The following CNGA3 variants were observed in gnomAD, a reference collection of about 807,000 sequenced individuals.
CNGA3 encodes the protein cyclic nucleotide gated channel subunit alpha 3, also known as cyclic nucleotide-gated channel alpha-3.
CNGA3 carries 42 observed loss-of-function variants against 46.6 expected under a neutral mutation model. That is an observed-to-expected ratio of 0.90 (90% CI 0.70 to 1.17). The LOEUF is 1.17. CNGA3 is among the 50% of genes most tolerant of loss of function. The pLI, the probability that CNGA3 is intolerant of heterozygous loss-of-function variation, is 0.00. For synonymous variants in CNGA3, 394 were observed against 369.4 expected, an observed-to-expected ratio of 1.07 and a Z score of -0.76; for missense variants, 893 against 890.7, an observed-to-expected ratio of 1.00 and a Z score of -0.03.
chr2:98,376,468 G>T (rs1238101573), intron 2 of CNGA3, among the ~76,000 whole-genome samples: 1 of 152,156 alleles, frequency 6.6e-6, no homozygotes, highest in Non-Finnish European at 1.5e-5. Flanking sequence ...TCAATGTGGG[G>T]AGGCTGAGAG....
Position 98,389,717 on chromosome 2 carries a change from G to A in CNGA3, c.509G>A (p.Arg170His), listed in dbSNP as rs775155230. ...VVDPSSNLYY[R>H]WLTAIALPVF... Reference sequence around the variant, plus strand: ...GACCCGTCCAGCAACCTGTACTACCGCTGGCTGACCGCCATCGCCCTGCCT... The same window carrying A: ...GACCCGTCCAGCAACCTGTACTACCACTGGCTGACCGCCATCGCCCTGCCT... The change falls in exon 6 of 8, where the codon CGC becomes CAC. Residue 170 changes from arginine (R) to histidine (H), a missense_variant. Coordinates refer to ENST00000272602, the MANE Select transcript of CNGA3 (RefSeq NM_001298.3). 2.0e-5 allele frequency: 33 copies of A among 1,613,616 alleles called. No homozygotes were observed. In the Admixed American group the frequency reaches 2.7e-4, roughly 13 times the overall value.
chr2:98,360,304 G>A (rs537430899), intron 1 of CNGA3, among the ~76,000 whole-genome samples: 106 of 152,348 alleles, frequency 7.0e-4, no homozygotes, highest in Admixed American at 1.6e-3. Context: ...GGAGGACAGA[G>A]GTACTGCCTC....
intron 4 of CNGA3, among the ~76,000 whole-genome samples, chr2:98,382,020 ACT>A (rs1309212275): frequency 1.3e-5 from 2 of 152,002 alleles, no homozygotes; most frequent in African/African-American, 2.4e-5. Flanking sequence ...TGAATGTTAG[ACT>A]CTCTGTCCAT....
chr2:98,359,970 A>G (rs1246658526), intron 1 of CNGA3, among the ~76,000 whole-genome samples: 1 of 152,146 alleles, frequency 6.6e-6, no homozygotes, highest in African/African-American at 2.4e-5. Context: ...CCTTGATTCT[A>G]TGGGCTTCTC....
At chr2:98,369,053 C>T (rs1238896623) in intron 1 of CNGA3, among the ~76,000 whole-genome samples, 1 of 152,168 alleles carries the variant, frequency 6.6e-6, no homozygotes, top group Non-Finnish European at 1.5e-5. Flanking sequence ...GAATTCCAGC[C>T]CCTCTCATTC....
rs1692800163 is a variant in CNGA3, at chr2:98,391,936, G to A, written c.639G>A (p.Leu213=). 4 of 1,614,110 alleles carry A rather than the reference G, an allele frequency of 2.5e-6. No homozygotes were observed. Among genetic ancestry groups the A allele is most frequent in the East Asian group, 2.2e-5 (1 of 44,874 alleles). Residue 213 remains leucine, a synonymous_variant, in exon 7 of 8, where the codon CTG becomes CTA. Coordinates refer to ENST00000272602, the MANE Select transcript of CNGA3 (RefSeq NM_001298.3). ...TCCTGGACTACTCGGCAGATGTCCTGTATGTCTTGGATGTGCTTGTACGAG... is the reference window on the plus strand; with the variant it reads ...TCCTGGACTACTCGGCAGATGTCCTATATGTCTTGGATGTGCTTGTACGAG... ...WLVLDYSADV[L]YVLDVLVRAR...
intron 1 of CNGA3, among the ~76,000 whole-genome samples, chr2:98,355,616 T>C (rs1691863277): frequency 6.6e-6 from 1 of 152,258 alleles, no homozygotes; most frequent in African/African-American, 2.4e-5. Context: ...ACATGTCTTC[T>C]GTACCAAACT....
In CNGA3 at chr2:98,396,853, G is replaced by A. The variant is rs771259045; in HGVS notation, c.1683G>A (p.Gly561=). 25 of 1,614,164 alleles carry A rather than the reference G, an allele frequency of 1.5e-5. No homozygotes were observed. The highest frequency in any genetic ancestry group is 2.0e-5 in the Non-Finnish European group (24 of 1,180,046). ...SILNIKGSKS[G]NRRTANIRSI... is the part of the protein sequence containing the mutation. ...TGAACATCAAGGGGAGCAAGTCGGGGAACCGCAGGACGGCCAACATCCGCA... is the reference window on the plus strand; with the variant it reads ...TGAACATCAAGGGGAGCAAGTCGGGAAACCGCAGGACGGCCAACATCCGCA... The change falls in exon 8 of 8, where the codon GGG becomes GGA. Residue 561 remains glycine, a synonymous_variant. Coordinates refer to ENST00000272602, the MANE Select transcript of CNGA3 (RefSeq NM_001298.3).
At chr2:98,390,176 C>A (rs1692752672) in intron 6 of CNGA3, among the ~76,000 whole-genome samples, 1 of 151,566 alleles carries the variant, frequency 6.6e-6, no homozygotes, top group Admixed American at 6.6e-5. Context: ...CACTCTGTCA[C>A]CCAGGCTGGA....
At chr2:98,361,406 A>G (rs1319623923) in intron 1 of CNGA3, among the ~76,000 whole-genome samples, 3 of 152,110 alleles carry the variant, frequency 2.0e-5, no homozygotes, top group Admixed American at 6.5e-5. Flanking sequence ...TATATGTACC[A>G]CATTTTCTTT....
intron 1 of CNGA3, chr2:98,351,268 T>C (rs1448348592): frequency 1.3e-5 from 2 of 152,242 alleles, no homozygotes; most frequent in Non-Finnish European, 1.5e-5. Flanking sequence ...GGGGATGATA[T>C]GGTTTCGCTC....
At chr2:98,358,029 A>G (rs1691926175) in intron 1 of CNGA3, among the ~76,000 whole-genome samples, 2 of 152,234 alleles carry the variant, frequency 1.3e-5, no homozygotes, top group Admixed American at 6.5e-5. Flanking sequence ...CGTGATGGAT[A>G]TGGAAGTGCC....
chr2:98,353,274 C>A (rs1468646520), intron 1 of CNGA3, among the ~76,000 whole-genome samples: 1 of 151,842 alleles, frequency 6.6e-6, no homozygotes, highest in East Asian at 1.9e-4. Context: ...AGAACCCTAA[C>A]ACACTCACTA....
rs201782746 is a variant in CNGA3, at chr2:98,396,876, G to T, written c.1706G>T (p.Arg569Leu). The change falls in exon 8 of 8, where the codon CGC becomes CTC. Residue 569 changes from arginine to leucine, a missense_variant. Arg to Leu is a moderately radical substitution (Grantham distance 102). This residue lies in a region of CNGA3 where 548 missense variants were observed against 570.8 expected (regional missense o/e 0.96). Coordinates refer to ENST00000272602, the MANE Select transcript of CNGA3 (RefSeq NM_001298.3). ...KSGNRRTANI[R>L]SIGYSDLFCL... ...GGGAACCGCAGGACGGCCAACATCCGCAGCATTGGCTACTCAGACCTGTTC... is the reference window on the plus strand; with the variant it reads ...GGGAACCGCAGGACGGCCAACATCCTCAGCATTGGCTACTCAGACCTGTTC... 6.2e-7 allele frequency: 1 copy of T among 1,614,132 alleles called. No individual in the cohort carries two copies. Among genetic ancestry groups the T allele is most frequent in the Non-Finnish European group, 8.5e-7 (1 of 1,180,024 alleles).
intron 1 of CNGA3, among the ~76,000 whole-genome samples, chr2:98,349,751 A>T (rs560627748): frequency 6.6e-6 from 1 of 152,304 alleles, no homozygotes; most frequent in South Asian, 2.1e-4. Flanking sequence ...TGCTCAGTAC[A>T]TTTCTGAATT....
At chr2:98,391,421 G>C (rs1692785487) in intron 6 of CNGA3, among the ~76,000 whole-genome samples, 1 of 152,238 alleles carries the variant, frequency 6.6e-6, no homozygotes, top group Non-Finnish European at 1.5e-5. Context: ...GGTGCTGCCT[G>C]TGTGGGAAAC....
intron 2 of CNGA3, 81 bp from the exon 3 acceptor site, chr2:98,377,606 C>T (rs983310697): frequency 1.5e-6 from 2 of 1,353,730 alleles, no homozygotes; most frequent in African/African-American, 1.4e-5. Context: ...AGCAGAACAT[C>T]TGACTGTCTC....
chr2:98,349,908 C>G (rs1014640997), intron 1 of CNGA3, among the ~76,000 whole-genome samples: 4 of 152,140 alleles, frequency 2.6e-5, no homozygotes, highest in African/African-American at 9.7e-5. Context: ...TTGCTCATGG[C>G]ATTAACCAAG....
intron 3 of CNGA3, chr2:98,378,211 A>AT (rs1316856298): frequency 1.3e-6 from 2 of 1,546,812 alleles, no homozygotes; most frequent in Non-Finnish European, 1.7e-6. Context: ...GCTCGTCTGG[A>AT]CCCCAGGGCA....
Sources: allele counts gnomAD v4.1 joint callset (sites outside exome capture counted in the v4.1 genomes callset), GRCh38; gene constraint gnomAD v4.1.1; regional missense constraint gnomAD v4.1.1; transcripts MANE v1.5; gene names NCBI Gene and HGNC (gene_info 2026-07-23, HGNC 2026-07-21).